Variants in SYNE1 observed in about 807,000 individuals in gnomAD.
The protein encoded by SYNE1 is spectrin repeat containing nuclear envelope protein 1.
SYNE1 carries 616 observed loss-of-function variants against 1,111.0 expected under a neutral mutation model. That is an observed-to-expected ratio of 0.55 (90% CI 0.52 to 0.59). The LOEUF is 0.59. SYNE1 is among the 20% of genes least tolerant of loss of function. The pLI is 0.00. For missense variants in SYNE1, 10,006 were observed against 10,417.0 expected (o/e 0.96, Z 1.72); for synonymous variants, 3,855 against 3,825.8 (o/e 1.01, Z -0.28).
chr6:152,521,920 A>G lies in SYNE1; in HGVS notation c.226-1378T>C, dbSNP rs371280803. 8.5e-5 allele frequency among the ~76,000 whole-genome samples: 13 copies of G among 152,148 alleles called. No homozygotes were observed. The South Asian group carries it at 2.5e-3, about 29-fold the overall frequency. On this transcript the variant is annotated intron_variant, in intron 5 of 145. Coordinates refer to ENST00000367255, the MANE Select transcript of SYNE1 (RefSeq NM_182961.4). The stretch of plus-strand genomic sequence containing the variant: ...TGTCTTATTGAATAATTGTTTTCCT[A>G]TCCCTGTGTCTAAAACATATTCACC...
chr6:152,461,872 T>C (rs1439978371), intron 20 of SYNE1, 132 bp from the exon 21 acceptor site: 3 of 1,150,094 alleles, frequency 2.6e-6, no homozygotes, highest in Non-Finnish European at 3.8e-6. Context: ...CTTTCGACGA[T>C]TCCAGTTTTT....
At chr6:152,427,017 T>A (rs187957944) in intron 38 of SYNE1, among the ~76,000 whole-genome samples, 2 of 152,354 alleles carry the variant, frequency 1.3e-5, no homozygotes, top group Admixed American at 6.5e-5. Context: ...GAGAAGCAAT[T>A]TTGACTGTTG....
Position 152,201,860 on chromosome 6 carries a change from G to A in SYNE1, c.23109C>T (p.His7703=), listed in dbSNP as rs752293650. The A allele has an allele frequency of 1.2e-6, 2 of 1,613,928 alleles. No individual in the cohort carries two copies. The highest frequency in any genetic ancestry group is 1.7e-6 in the Non-Finnish European group (2 of 1,179,834). Reference sequence around the variant, plus strand: ...TTTGTTCTGCATGGAGCTCTTCATGGTGATCCGGGAGAGACTGCGAAAGCT... The same window carrying A: ...TTTGTTCTGCATGGAGCTCTTCATGATGATCCGGGAGAGACTGCGAAAGCT... ...KKKLSQSLPD[H]HEELHAEQMR... The change falls in exon 127 of 146, where the codon CAC becomes CAT. Residue 7703 remains histidine, a synonymous_variant. Transcript: ENST00000367255.
At chr6:152,534,202 G>A (rs2141147) in intron 4 of SYNE1, among the ~76,000 whole-genome samples, 53,254 of 144,450 alleles carry the variant, frequency 0.37, 10,049 homozygotes, top group East Asian at 0.44. Context: ...ATGAATGAAT[G>A]AATAAATAAA....
At chr6:152,187,728 TGAGA>T (rs200143003) in intron 128 of SYNE1, among the ~76,000 whole-genome samples, 36 of 150,984 alleles carry the variant, frequency 2.4e-4, no homozygotes, top group African/African-American at 5.6e-4. Context: ...TTTGTGTGTG[TGAGA>T]GAGAGAGAGA....
Position 152,231,569 on chromosome 6 carries a change from T to TA in SYNE1, c.20863-3dup, listed in dbSNP as rs755011653. On this transcript the variant is annotated splice_region_variant and splice_polypyrimidine_tract_variant and intron_variant, in intron 113 of 145. Transcript: ENST00000367255. ...ACAGTTAATGTCTATCTTAAAACCC[T>TA]AAAAAAAAAGAGGAGAAAATAAGAT... The TA allele has an allele frequency of 4.6e-4, 730 of 1,570,368 alleles. No individual in the cohort carries two copies. The highest frequency in any genetic ancestry group is 6.8e-4 in the Middle Eastern group (4 of 5,914).
At position 152,513,171 on chromosome 6, in the gene SYNE1, T is replaced by C. The variant is rs111791828; in HGVS notation, c.310-2068A>G. 1.1e-3 allele frequency among the ~76,000 whole-genome samples: 168 copies of C among 152,282 alleles called. 1 individual carries two copies. The highest frequency in any genetic ancestry group is 3.9e-3 in the African/African-American group (160 of 41,554). On this transcript the variant is annotated intron_variant, in intron 6 of 145. Transcript: ENST00000367255. ...GGACTAGACCATTGTACCTGGCCCA[T>C]GTAATCTGGAGAAGTCTGAGTTATA...
chr6:152,295,678 C>A (rs938250536), intron 93 of SYNE1, among the ~76,000 whole-genome samples: 5 of 151,936 alleles, frequency 3.3e-5, no homozygotes, highest in African/African-American at 1.2e-4. Context: ...GCAATCCAAG[C>A]TGTCAAGGAG....
chr6:152,195,724 A>G (rs764880786), intron 127 of SYNE1, among the ~76,000 whole-genome samples: 1 of 152,126 alleles, frequency 6.6e-6, no homozygotes, highest in African/African-American at 2.4e-5. Flanking sequence ...ACCCCTGTGG[A>G]TCCCCCACCA....
rs1035633192 is a variant in SYNE1, at chr6:152,399,812, T to C, written c.7041A>G (p.Lys2347=). The part of the protein sequence containing the change: ...EALKKVKDIQ[K]ELQSQQSNIS... ...TGTTGCTTTGTTGACTTTGAAGTTCTTTTTGTATATCCTACAGAATAAAAG... is the reference window on the plus strand; with the variant it reads ...TGTTGCTTTGTTGACTTTGAAGTTCCTTTTGTATATCCTACAGAATAAAAG... The change falls in exon 48 of 146, where the codon AAA becomes AAG. Residue 2347 remains lysine (K), a synonymous_variant. Transcript: ENST00000367255. 1 of 1,614,086 alleles carries C rather than the reference T, an allele frequency of 6.2e-7. No individual in the cohort carries two copies. Among genetic ancestry groups the C allele is most frequent in the East Asian group, 2.2e-5 (1 of 44,878 alleles).
intron 116 of SYNE1, 92 bp downstream of exon 116, chr6:152,225,629 T>C: frequency 1.4e-6 from 2 of 1,467,078 alleles, no homozygotes; most frequent in Non-Finnish European, 1.9e-6. Flanking sequence ...GATTTGATTA[T>C]TTCCTCTGCT....
intron 34 of SYNE1, 141 bp downstream of exon 34, chr6:152,433,654 G>T: frequency 1.0e-6 from 1 of 998,560 alleles, no homozygotes; most frequent in Non-Finnish European, 1.5e-6. Flanking sequence ...CTCTTAGCTT[G>T]ATAAAATGTA....
chr6:152,624,108 T>C (rs2099681351), intron 3 of SYNE1, among the ~76,000 whole-genome samples: 1 of 152,162 alleles, frequency 6.6e-6, no homozygotes, highest in South Asian at 2.1e-4. Flanking sequence ...CTTTTTTGTT[T>C]GTTTGTTTCT....
intron 29 of SYNE1, 94 bp downstream of exon 29, chr6:152,447,364 A>T (rs1253746853): frequency 6.5e-6 from 9 of 1,390,194 alleles, no homozygotes; most frequent in Non-Finnish European, 9.9e-7. Context: ...TGGTTTCTTT[A>T]TAAAATTACT....
intron 3 of SYNE1, among the ~76,000 whole-genome samples, chr6:152,554,399 A>C (rs531887691): frequency 2.0e-5 from 3 of 151,150 alleles, no homozygotes; most frequent in African/African-American, 7.3e-5. Flanking sequence ...AAAATGAACA[A>C]AGTGTTCAAG....
chr6:152,436,113 A>G lies in SYNE1; in HGVS notation c.4150-12T>C, dbSNP rs1258939511. 3 of 1,613,258 alleles carry G rather than the reference A, an allele frequency of 1.9e-6. No individual in the cohort carries two copies. Among genetic ancestry groups the G allele is most frequent in the African/African-American group, 1.3e-5 (1 of 74,882 alleles). On this transcript the variant is annotated splice_polypyrimidine_tract_variant and intron_variant, in intron 32 of 145. Transcript: ENST00000367255. ...CGTTTAGAAAACTCCTAGAAAAAAT[A>G]TTATGATCATTAGGTAGGCACTTTA...
chr6:152,236,098 T>A lies in SYNE1; in HGVS notation c.20396+9A>T. On this transcript the variant is annotated intron_variant, in intron 110 of 145. Transcript: ENST00000367255. ...TATCTAAAAATATACAAAACAGTCA[T>A]TGTATTACCTGGTCCAGTGTTTCAA... The A allele has an allele frequency of 6.2e-7, 1 of 1,613,334 alleles. No homozygotes were observed. The highest frequency in any genetic ancestry group is 8.5e-7 in the Non-Finnish European group (1 of 1,179,284).
chr6:152,226,219 T>A lies in SYNE1; in HGVS notation c.21196-343A>T, dbSNP rs182111677. Reference sequence around the variant, plus strand: ...TTTATATTATTAAGTTCATATATGTTGGTATTCAAAAAGTTACGCTGCCTA... The same window carrying A: ...TTTATATTATTAAGTTCATATATGTAGGTATTCAAAAAGTTACGCTGCCTA... On this transcript the variant is annotated intron_variant, in intron 115 of 145. Transcript: ENST00000367255. Among the ~76,000 whole-genome samples the A allele has an allele frequency of 5.3e-5, 8 of 152,262 alleles. 1 individual carries two copies. In the East Asian group the frequency reaches 1.2e-3, roughly 22 times the overall value.
rs144797998 is a variant in SYNE1, at chr6:152,407,188, C to T, written c.6549G>A (p.Glu2183=). Residue 2183 remains glutamate, a synonymous_variant, in exon 45 of 146, where the codon GAG becomes GAA. Transcript: ENST00000367255. ...STVDKWLDVS[E]KLEENMDRLR... is the part of the protein sequence containing the mutation. ...GCCTATCCATGTTTTCTTCAAGTTTCTCTGATACCTAGGAGAGAAACAGAA... is the reference window on the plus strand; with the variant it reads ...GCCTATCCATGTTTTCTTCAAGTTTTTCTGATACCTAGGAGAGAAACAGAA... 1 of 1,613,860 alleles carries T rather than the reference C, an allele frequency of 6.2e-7. No homozygotes were observed. The highest frequency in any genetic ancestry group is 1.7e-5 in the Admixed American group (1 of 60,016).
Sources: allele counts gnomAD v4.1 joint callset (sites outside exome capture counted in the v4.1 genomes callset), GRCh38; gene constraint gnomAD v4.1.1; transcripts MANE v1.5; gene names NCBI Gene and HGNC (gene_info 2026-07-23, HGNC 2026-07-21).